NXPE4: variants seen among roughly 807,000 people sequenced by gnomAD.
NXPE4 encodes NXPE family member 4.
A neutral mutation model predicts 33.3 loss-of-function variants in NXPE4; 42 were observed. The ratio of observed to expected loss-of-function variants is 1.26; its 90% CI spans 0.98 to 1.63. The LOEUF is 1.63. Among genes scored for constraint, NXPE4 ranks in the 40% most tolerant of loss-of-function variants. NXPE4 has a pLI of 0.00. For missense variants in NXPE4, 709 were observed against 647.6 expected (o/e 1.09, Z -1.03); for synonymous variants, 253 against 234.9 (o/e 1.08, Z -0.71).
chr11:114,571,040 A>G lies in NXPE4; in HGVS notation c.1533T>C (p.Ile511=). The change falls in exon 6 of 6, where the codon ATT becomes ATC. Residue 511 remains isoleucine (I), a synonymous_variant. Coordinates refer to ENST00000375478, the MANE Select transcript of NXPE4 (RefSeq NM_001077639.2). ...DIFQDLSVSI[I]DAWDITIAYG... ...ATGCAATTGTTATATCCCAGGCATC[A>G]ATGATACTCACACTGAGATCCTGGA... The G allele has an allele frequency of 6.2e-7, 1 of 1,613,580 alleles. No homozygotes were observed. Among genetic ancestry groups the G allele is most frequent in the South Asian group, 1.1e-5 (1 of 91,070 alleles).
chr11:114,657,050 C>T, the NXPE4 span, among the ~76,000 whole-genome samples: 13 of 152,236 alleles, frequency 8.5e-5, no homozygotes, highest in East Asian at 3.9e-4. Flanking sequence ...GCTGAGATTG[C>T]GCCACTGCAC....
At chr11:114,639,614 C>A in the NXPE4 span, among the ~76,000 whole-genome samples, 1 of 148,214 alleles carries the variant, frequency 6.7e-6, no homozygotes, top group South Asian at 2.1e-4. Flanking sequence ...ATCTTGGCTG[C>A]CCCACCTATG....
the NXPE4 span, among the ~76,000 whole-genome samples, chr11:114,618,091 G>A: frequency 1.5e-5 from 2 of 129,184 alleles, no homozygotes; most frequent in African/African-American, 5.9e-5. Flanking sequence ...TAACCACTGT[G>A]ACCCGGTGGA....
chr11:114,577,059 A>G (rs139079851), intron 5 of NXPE4, among the ~76,000 whole-genome samples: 14,271 of 44,344 alleles, frequency 0.32, 1,128 homozygotes, highest in East Asian at 0.43. Flanking sequence ...ATATATATAC[A>G]TATATATATA....
chr11:114,636,806 G>T, the NXPE4 span, among the ~76,000 whole-genome samples: 1 of 152,100 alleles, frequency 6.6e-6, no homozygotes, highest in Non-Finnish European at 1.5e-5. Context: ...GTTCTAGTTT[G>T]ATTGCACTGT....
the NXPE4 span, among the ~76,000 whole-genome samples, chr11:114,632,977 T>A: frequency 9.6e-6 from 1 of 103,714 alleles, no homozygotes; most frequent in Non-Finnish European, 1.7e-5. Flanking sequence ...TATTATATAT[T>A]ATATATTTTT....
At chr11:114,621,302 G>T in the NXPE4 span, among the ~76,000 whole-genome samples, 4 of 152,104 alleles carry the variant, frequency 2.6e-5, no homozygotes, top group Admixed American at 1.3e-4. Flanking sequence ...AACAAGTATT[G>T]CTTTGTGGGT....
At chr11:114,661,503 T>C in the NXPE4 span, among the ~76,000 whole-genome samples, 1 of 152,212 alleles carries the variant, frequency 6.6e-6, no homozygotes, top group Non-Finnish European at 1.5e-5. Flanking sequence ...GTCATCATAT[T>C]GCAACTGATG....
the NXPE4 span, among the ~76,000 whole-genome samples, chr11:114,629,731 G>A: frequency 6.6e-6 from 1 of 151,722 alleles, no homozygotes; most frequent in African/African-American, 2.4e-5. Context: ...AAGTCAAATT[G>A]TCCCTGTTTG....
At chr11:114,576,975 TTATA>T (rs200805130) in intron 5 of NXPE4, among the ~76,000 whole-genome samples, 27 of 128,162 alleles carry the variant, frequency 2.1e-4, no homozygotes, top group African/African-American at 8.3e-4. Context: ...AAGAAGATGT[TTATA>T]TATATATATA....
chr11:114,672,998 A>G, the NXPE4 span, among the ~76,000 whole-genome samples: 1 of 150,632 alleles, frequency 6.6e-6, no homozygotes, highest in East Asian at 1.9e-4. Flanking sequence ...AACAGAAAAC[A>G]TATTCTTCTC....
At chr11:114,677,636 A>G in the NXPE4 span, among the ~76,000 whole-genome samples, 1 of 152,064 alleles carries the variant, frequency 6.6e-6, no homozygotes, top group Non-Finnish European at 1.5e-5. Context: ...ATGCTGTTAT[A>G]TAGACATGGA....
At chr11:114,623,274 G>T in the NXPE4 span, among the ~76,000 whole-genome samples, 11 of 152,210 alleles carry the variant, frequency 7.2e-5, no homozygotes, top group Non-Finnish European at 1.6e-4. Flanking sequence ...TTGCCTCGTG[G>T]GTGACAACTG....
the NXPE4 span, among the ~76,000 whole-genome samples, chr11:114,632,940 T>G: frequency 1.0e-5 from 1 of 98,708 alleles, no homozygotes; most frequent in East Asian, 2.6e-4. Flanking sequence ...TAATAATATA[T>G]ATTATATGAT....
the NXPE4 span, among the ~76,000 whole-genome samples, chr11:114,641,826 G>A: frequency 6.6e-6 from 1 of 152,026 alleles, no homozygotes; most frequent in Non-Finnish European, 1.5e-5. Flanking sequence ...TATCACATCT[G>A]ACACCAGGAA....
chr11:114,666,064 G>A, the NXPE4 span, among the ~76,000 whole-genome samples: 1 of 151,960 alleles, frequency 6.6e-6, no homozygotes, highest in South Asian at 2.1e-4. Flanking sequence ...CAGTATTCAG[G>A]TTCATTTGGC....
the NXPE4 span, among the ~76,000 whole-genome samples, chr11:114,617,460 T>C: frequency 6.6e-6 from 1 of 152,094 alleles, no homozygotes; most frequent in Non-Finnish European, 1.5e-5. Flanking sequence ...ATAACCACTG[T>C]TATCTGCTGG....
chr11:114,591,785 T>C lies in NXPE4; in HGVS notation c.96+2879A>G, dbSNP rs1445350006. Among the ~76,000 whole-genome samples, 6 of 152,092 alleles carry C rather than the reference T, an allele frequency of 3.9e-5. No homozygotes were observed. In the East Asian group the frequency reaches 1.2e-3, roughly 29 times the overall value. The stretch of plus-strand genomic sequence containing the variant: ...CCTGTATGATGTTTGCTAAAAGTAG[T>C]GGCCTACAAATCTGTAGGTGAACAG... On this transcript the variant is annotated intron_variant, in intron 2 of 5. Coordinates refer to ENST00000375478, the MANE Select transcript of NXPE4 (RefSeq NM_001077639.2).
At chr11:114,616,273 T>C in the NXPE4 span, among the ~76,000 whole-genome samples, 1 of 151,660 alleles carries the variant, frequency 6.6e-6, no homozygotes, top group Non-Finnish European at 1.5e-5. Context: ...AAATGTTGCC[T>C]CGTGGGTAGC....
Sources: allele counts gnomAD v4.1 joint callset (sites outside exome capture counted in the v4.1 genomes callset), GRCh38; gene constraint gnomAD v4.1.1; transcripts MANE v1.5; gene names NCBI Gene and HGNC (gene_info 2026-07-23, HGNC 2026-07-21).